RBCK1: variants seen among roughly 807,000 people sequenced by gnomAD.
The protein encoded by RBCK1 is ranBP-type and C3HC4-type zinc finger-containing protein 1.
A neutral mutation model predicts 71.1 loss-of-function variants in RBCK1; 44 were observed. The observed-to-expected ratio is 0.62, with a 90% CI of 0.49 to 0.80. RBCK1 has a LOEUF of 0.80. Among genes scored for constraint, RBCK1 ranks in the 30% least tolerant of loss-of-function variants. The pLI is 0.00. For synonymous variants in RBCK1, 306 were observed against 279.7 expected (o/e 1.09, Z -0.94); for missense variants, 569 against 685.0 (o/e 0.83, Z 1.89).
rs780849786 is a variant in RBCK1 at position 417,371 on chromosome 20, G to A, written c.168-155G>A. Reference sequence around the variant, plus strand: ...GGTTCTAATAAAGGAAGAAGCATGGGTGGGGCCTACCCCAGACTGGGGTTT... The same window carrying A: ...GGTTCTAATAAAGGAAGAAGCATGGATGGGGCCTACCCCAGACTGGGGTTT... On this transcript the variant is annotated intron_variant, in intron 2 of 11. Transcript: ENST00000356286. The surrounding 1 kb of genome is among the most constrained non-coding windows in gnomAD (Gnocchi z 4.7). The A allele has an allele frequency of 1.3e-6, 1 of 771,868 alleles. No homozygotes were observed. The highest frequency in any genetic ancestry group is 2.3e-6 in the Non-Finnish European group (1 of 426,198). The allele number at this position is 771,868 out of a possible 1,614,324, so 47.8% of individuals were successfully genotyped here.
intron 4 of RBCK1, among the ~76,000 whole-genome samples, chr20:418,577 C>T (rs570201504): frequency 2.6e-5 from 4 of 152,090 alleles, no homozygotes; most frequent in Admixed American, 2.0e-4. Context: ...ACCGTGTTAG[C>T]CAGGATGGTC....
chr20:426,897 C>T (rs6051946), intron 8 of RBCK1, among the ~76,000 whole-genome samples: 1 of 139,892 alleles, frequency 7.1e-6, no homozygotes, highest in African/African-American at 2.7e-5. Context: ...TCAGTCATGG[C>T]TCACTGCATC....
intron 8 of RBCK1, among the ~76,000 whole-genome samples, chr20:425,521 C>T (rs1422298290): frequency 2.0e-5 from 3 of 151,840 alleles, no homozygotes; most frequent in Non-Finnish European, 4.4e-5. Flanking sequence ...TAGAATTTTT[C>T]TAAAGATTAT....
At position 421,037 on chromosome 20, in the gene RBCK1, GC is replaced by G; in HGVS notation, c.917+11del. 3.9e-6 allele frequency: 6 copies of G among 1,541,636 alleles called. No homozygotes were observed. Among genetic ancestry groups the G allele is most frequent in the South Asian group, 1.2e-5 (1 of 84,016 alleles). Reference sequence around the variant, plus strand: ...TGTCTGCACACCTTCTGCAGGTGCGGCCCCCAGTCCCACCCCCGGCAATGCA... The same window carrying G: ...TGTCTGCACACCTTCTGCAGGTGCGGCCCCAGTCCCACCCCCGGCAATGCA... On this transcript the variant is annotated splice_region_variant and intron_variant, in intron 7 of 11. Coordinates refer to ENST00000356286, the MANE Select transcript of RBCK1 (RefSeq NM_031229.4).
chr20:418,559 G>C (rs186356187), intron 4 of RBCK1, among the ~76,000 whole-genome samples: 4 of 151,998 alleles, frequency 2.6e-5, no homozygotes, highest in African/African-American at 9.7e-5. Flanking sequence ...TAGTAGAGAC[G>C]GGGTTTCACC....
At chr20:420,205 G>A in intron 6 of RBCK1, 1 of 985,096 alleles carries the variant, frequency 1.0e-6, no homozygotes, top group Non-Finnish European at 1.2e-6. Flanking sequence ...GCCCACCCCT[G>A]ACTTCCTGAG....
At position 412,670 on chromosome 20, in the gene RBCK1, G is replaced by A. The variant is rs540441576; in HGVS notation, c.167+2645G>A. On this transcript the variant is annotated intron_variant, in intron 2 of 11. Coordinates refer to ENST00000356286, the MANE Select transcript of RBCK1 (RefSeq NM_031229.4). ...AGGAGTACTTTATTCATTTTAGCTAGAAGTACTTTATTCATTTTAGCTTAT... is the reference window on the plus strand; with the variant it reads ...AGGAGTACTTTATTCATTTTAGCTAAAAGTACTTTATTCATTTTAGCTTAT... 9.5e-4 allele frequency among the ~76,000 whole-genome samples: 144 copies of A among 152,116 alleles called. No individual in the cohort carries two copies. The Middle Eastern group carries it at 0.024, about 25-fold the overall frequency.
Position 428,973 on chromosome 20 carries a change from C to T in RBCK1, c.1331C>T (p.Ala444Val), listed in dbSNP as rs1369133140. 6.2e-7 allele frequency: 1 copy of T among 1,610,366 alleles called. No individual in the cohort carries two copies. The change falls in exon 11 of 12, where the codon GCC becomes GTC. Residue 444 changes from alanine (A) to valine (V), a missense_variant. Around this residue, in one of 2 missense-constraint regions of RBCK1, gnomAD observed 211 missense variants for 309.4 expected, o/e 0.68. Coordinates refer to ENST00000356286, the MANE Select transcript of RBCK1 (RefSeq NM_031229.4). The surrounding 1 kb of genome is among the most constrained non-coding windows in gnomAD (Gnocchi z 5.7). ...MLKVMLQQGE[A>V]MRCPQCQIVV... ...CAGGTGATGCTGCAGCAGGGCGAGG[C>T]CATGCGCTGCCCCCAGTGCCAGATC...
rs761973251 is a variant in RBCK1 at position 430,272 on chromosome 20, C to G, written c.1453-78C>G. On this transcript the variant is annotated intron_variant, in intron 11 of 11. Transcript: ENST00000356286. The surrounding 1 kb of genome is among the most constrained non-coding windows in gnomAD (Gnocchi z 5.6). ...AGGAGGACCTGCAGAGGCAAAGGCCCGGGGTGGGAGAGCGCTCGGCTGTGG... is the reference window on the plus strand; with the variant it reads ...AGGAGGACCTGCAGAGGCAAAGGCCGGGGGTGGGAGAGCGCTCGGCTGTGG... 1 of 1,328,240 alleles carries G rather than the reference C, an allele frequency of 7.5e-7. No homozygotes were observed. 82.3% of individuals were successfully genotyped at this position (1,328,240 alleles called of 1,614,324 possible).
chr20:430,370 G>C lies in RBCK1; in HGVS notation c.1473G>C (p.Gly491=), dbSNP rs776715261. ...WGPGGPGDTS[G]GCRCRVNGIP... Reference sequence around the variant, plus strand: ...TCTAGGGCCCAGGAGACACCAGCGGGGGCTGCCGCTGCAGGGTAAATGGGA... The same window carrying C: ...TCTAGGGCCCAGGAGACACCAGCGGCGGCTGCCGCTGCAGGGTAAATGGGA... The change falls in exon 12 of 12, where the codon GGG becomes GGC. Residue 491 remains glycine (G), a synonymous_variant. Transcript: ENST00000356286. The surrounding 1 kb of genome is among the most constrained non-coding windows in gnomAD (Gnocchi z 5.6). 4.3e-6 allele frequency: 7 copies of C among 1,612,276 alleles called. No homozygotes were observed. The highest frequency in any genetic ancestry group is 5.9e-6 in the Non-Finnish European group (7 of 1,178,490).
In RBCK1 at chr20:422,005, G is replaced by T; in HGVS notation, c.918-122G>T. 1 of 673,016 alleles carries T rather than the reference G, an allele frequency of 1.5e-6. No homozygotes were observed. The allele number at this position is 673,016 out of a possible 1,614,324, so 41.7% of individuals were successfully genotyped here. ...GGGATGGGAAGGAAGGAGATATTGA[G>T]GAGAAGTCCACCTGGGGTGACTGAG... On this transcript the variant is annotated intron_variant, in intron 7 of 11. Transcript: ENST00000356286. The surrounding 1 kb of genome is among the most constrained non-coding windows in gnomAD (Gnocchi z 5.0).
At position 430,615 on chromosome 20, in the gene RBCK1, A is replaced by C; in HGVS notation, c.*185A>C. On this transcript the variant is annotated 3_prime_UTR_variant, in exon 12 of 12. Coordinates refer to ENST00000356286, the MANE Select transcript of RBCK1 (RefSeq NM_031229.4). The surrounding 1 kb of genome is among the most constrained non-coding windows in gnomAD (Gnocchi z 5.6). ...CCTTCCCTTGGGGCTTGCCGGCCAG[A>C]CTTCTCTCCCCTGCGGCTCCCACCT... 1.6e-6 allele frequency: 1 copy of C among 632,986 alleles called. No homozygotes were observed. The highest frequency in any genetic ancestry group is 2.8e-6 in the Non-Finnish European group (1 of 359,066). 39.2% of individuals were successfully genotyped at this position (632,986 alleles called of 1,614,324 possible).
At chr20:418,514 G>A (rs113734762) in intron 4 of RBCK1, among the ~76,000 whole-genome samples, 38 of 151,476 alleles carry the variant, frequency 2.5e-4, no homozygotes, top group Admixed American at 2.0e-4. Context: ...GACTACAGGC[G>A]CCCGCCACCA....
At chr20:408,982 T>C (rs962827541) in intron 1 of RBCK1, among the ~76,000 whole-genome samples, 2 of 152,222 alleles carry the variant, frequency 1.3e-5, no homozygotes, top group Non-Finnish European at 2.9e-5. Flanking sequence ...GGGCTGGCTC[T>C]GTGCTGAGAT....
chr20:411,995 A>G (rs1385877063), intron 2 of RBCK1, among the ~76,000 whole-genome samples: 1 of 152,224 alleles, frequency 6.6e-6, no homozygotes, highest in Non-Finnish European at 1.5e-5. Context: ...TCTTGGATAC[A>G]CACTAGCAGT....
intron 11 of RBCK1, among the ~76,000 whole-genome samples, chr20:429,510 G>A (rs1420209918): frequency 1.3e-5 from 2 of 152,200 alleles, no homozygotes; most frequent in Admixed American, 1.3e-4. Context: ...ACAGGCGTGA[G>A]CCACCGGGCC....
intron 8 of RBCK1, among the ~76,000 whole-genome samples, chr20:423,647 A>C (rs1215478145): frequency 6.6e-6 from 1 of 152,238 alleles, no homozygotes; most frequent in Non-Finnish European, 1.5e-5. Context: ...TTGTATGCAA[A>C]TACTGCACTA....
At position 408,849 on chromosome 20, in the gene RBCK1, C is replaced by G. The variant is rs376791021; in HGVS notation, c.22+70C>G. 2.6e-6 allele frequency: 4 copies of G among 1,562,762 alleles called. No individual in the cohort carries two copies. In the Admixed American group the frequency reaches 7.7e-5, roughly 30 times the overall value. ...GGGCCCCGCAGGACCTGGCCTTGCC[C>G]CTGGCCAGAAGGGCCTTGGAGAGGG... On this transcript the variant is annotated intron_variant, in intron 1 of 11. Transcript: ENST00000356286.
chr20:422,324 T>C lies in RBCK1; in HGVS notation c.1029+86T>C. On this transcript the variant is annotated intron_variant, in intron 8 of 11. Coordinates refer to ENST00000356286, the MANE Select transcript of RBCK1 (RefSeq NM_031229.4). The surrounding 1 kb of genome is among the most constrained non-coding windows in gnomAD (Gnocchi z 5.0). Reference sequence around the variant, plus strand: ...GCAGGCAGCAGACATCTTTCTTTTCTTTCTTTTTTTTTTTTGGAGATGGGG... The same window carrying C: ...GCAGGCAGCAGACATCTTTCTTTTCCTTCTTTTTTTTTTTTGGAGATGGGG... 1 of 1,145,494 alleles carries C rather than the reference T, an allele frequency of 8.7e-7. No homozygotes were observed. 71.0% of individuals were successfully genotyped at this position (1,145,494 alleles called of 1,614,324 possible). A position where few individuals can be genotyped will look rare whatever the true frequency, so the allele number is the denominator to read the frequency against.
Sources: allele counts gnomAD v4.1 joint callset (sites outside exome capture counted in the v4.1 genomes callset), GRCh38; gene constraint gnomAD v4.1.1; regional missense constraint gnomAD v4.1.1; non-coding constraint Gnocchi (gnomAD v3.1); transcripts MANE v1.5; gene names NCBI Gene and HGNC (gene_info 2026-07-23, HGNC 2026-07-21).